The following RIMS2 variants were observed in gnomAD, a reference collection of about 807,000 sequenced individuals.
RIMS2 encodes the protein regulating synaptic membrane exocytosis 2, also known as regulating synaptic membrane exocytosis protein 2.
RIMS2 carries 59 observed loss-of-function variants against 174.4 expected under a neutral mutation model. That is an observed-to-expected ratio of 0.34 (90% CI 0.27 to 0.42). The LOEUF (loss-of-function observed/expected upper bound fraction) is 0.42. Ranked by LOEUF, RIMS2 falls within the 10% of genes least tolerant of loss-of-function variation. The probability of loss-of-function intolerance (pLI) is 1.00; values close to 1 mark genes in which losing one functional copy is unlikely to be tolerated. For synonymous variants in RIMS2, 606 were observed against 572.5 expected (o/e 1.06, Z -0.84); for missense variants, 1,620 against 1,666.3 (o/e 0.97, Z 0.48).
At chr8:104,216,880 T>A (rs188968277) in intron 19 of RIMS2, among the ~76,000 whole-genome samples, 9 of 152,364 alleles carry the variant, frequency 5.9e-5, no homozygotes, top group Non-Finnish European at 1.5e-5. Flanking sequence ...TGAAGGAATA[T>A]GCATCAATTT....
chr8:103,661,291 G>C (rs1389167656), intron 1 of RIMS2, among the ~76,000 whole-genome samples: 1 of 152,108 alleles, frequency 6.6e-6, no homozygotes, highest in Non-Finnish European at 1.5e-5. Context: ...ATGTGCGTTT[G>C]AGTTTGTTTC....
At chr8:104,128,060 A>G (rs924274119) in intron 19 of RIMS2, among the ~76,000 whole-genome samples, 1 of 152,220 alleles carries the variant, frequency 6.6e-6, no homozygotes, top group Non-Finnish European at 1.5e-5. Context: ...AAGTCACTCA[A>G]CTGAAACAGG....
chr8:104,041,421 A>G, intron 19 of RIMS2, 63 bp downstream of exon 22: 1 of 651,292 alleles, frequency 1.5e-6, no homozygotes, highest in Non-Finnish European at 2.8e-6. Context: ...GAAATGTTTA[A>G]TCATTTTTTT....
chr8:103,950,612 A>G (rs1236624401), intron 14 of RIMS2, among the ~76,000 whole-genome samples: 2 of 152,134 alleles, frequency 1.3e-5, no homozygotes, highest in African/African-American at 4.8e-5. Context: ...ACCCTAAGCA[A>G]AGTAGGATAG....
intron 2 of RIMS2, among the ~76,000 whole-genome samples, chr8:103,698,231 AT>A (rs1048531560): frequency 6.6e-6 from 1 of 152,054 alleles, no homozygotes; most frequent in Admixed American, 6.6e-5. Flanking sequence ...CCTGATTATG[AT>A]TTTTTTTCTT....
chr8:103,950,133 A>C (rs62527126), intron 14 of RIMS2, among the ~76,000 whole-genome samples: 3,986 of 152,236 alleles, frequency 0.026, 103 homozygotes, highest in Middle Eastern at 0.045. Flanking sequence ...TGTAGCTAAA[A>C]ATTTTCCCTC....
intron 10 of RIMS2, among the ~76,000 whole-genome samples, chr8:103,925,405 C>G (rs952656308): frequency 6.6e-6 from 1 of 151,416 alleles, no homozygotes; most frequent in Non-Finnish European, 1.5e-5. Context: ...AACTCCATAG[C>G]CTTTTAAAAA....
chr8:104,130,913 T>C lies in RIMS2; in HGVS notation c.3335-114003T>C, dbSNP rs140615973. On this transcript the variant is annotated intron_variant, in intron 19 of 23. Coordinates refer to ENST00000504942, the Ensembl canonical transcript of RIMS2. Reference sequence around the variant, plus strand: ...AGGCAGGTATTTCAGTAACTACATATAGTGATGTATTTCTAGAGCATTTAG... The same window carrying C: ...AGGCAGGTATTTCAGTAACTACATACAGTGATGTATTTCTAGAGCATTTAG... Among the ~76,000 whole-genome samples, 61 of 152,200 alleles carry C rather than the reference T, an allele frequency of 4.0e-4. 1 individual carries two copies. The highest frequency in any genetic ancestry group is 1.4e-3 in the African/African-American group (57 of 41,542).
intron 2 of RIMS2, among the ~76,000 whole-genome samples, chr8:103,759,762 T>A (rs1281879485): frequency 6.6e-6 from 1 of 151,968 alleles, no homozygotes; most frequent in Non-Finnish European, 1.5e-5. Flanking sequence ...CATAGTGGAA[T>A]AGAGGGTCAT....
chr8:103,510,856 C>G lies in RIMS2; in HGVS notation c.176+9794C>G, dbSNP rs1826118124. Among the ~76,000 whole-genome samples the G allele has an allele frequency of 2.6e-5, 4 of 152,180 alleles. No homozygotes were observed. In the South Asian group the frequency reaches 8.3e-4, roughly 32 times the overall value. On this transcript the variant is annotated intron_variant, in intron 1 of 23. Transcript: ENST00000504942. ...AAGGAAACATATTTATGTGTTCCTG[C>G]AATTAGGACAGAACATCTTTGGGGG...
chr8:103,551,975 T>G (rs1002941376), intron 1 of RIMS2, among the ~76,000 whole-genome samples: 2 of 152,258 alleles, frequency 1.3e-5, no homozygotes, highest in Admixed American at 6.5e-5. Flanking sequence ...TGGAAGAACA[T>G]TCCATGCTCA....
chr8:103,682,738 G>A (rs1055568475), intron 1 of RIMS2, among the ~76,000 whole-genome samples: 1 of 152,022 alleles, frequency 6.6e-6, no homozygotes, highest in African/African-American at 2.4e-5. Context: ...ATCTTTCTTA[G>A]TACCTCAAAC....
intron 19 of RIMS2, among the ~76,000 whole-genome samples, chr8:104,105,126 G>A (rs2098018080): frequency 6.6e-6 from 1 of 152,188 alleles, no homozygotes; most frequent in African/African-American, 2.4e-5. Context: ...AAAAGTCTAA[G>A]CCAGCTCTCA....
intron 1 of RIMS2, among the ~76,000 whole-genome samples, chr8:103,687,778 TG>T (rs1247103603): frequency 6.6e-6 from 1 of 152,164 alleles, no homozygotes; most frequent in Non-Finnish European, 1.5e-5. Context: ...TTTCTGTGCC[TG>T]GCTTACTTCA....
Position 104,111,180 on chromosome 8 carries a change from T to C in RIMS2, c.3334+96565T>C, listed in dbSNP as rs1225367039. 1.2e-4 allele frequency among the ~76,000 whole-genome samples: 18 copies of C among 152,146 alleles called. 1 individual carries two copies. The highest frequency in any genetic ancestry group is 1.2e-3 in the Admixed American group (18 of 15,260). On this transcript the variant is annotated intron_variant, in intron 19 of 23. Coordinates refer to ENST00000504942, the Ensembl canonical transcript of RIMS2. ...AATCCAGTAAAGAGGAAAAATGTTA[T>C]CCAAGGAATACAAGATGAGATTTAT... is the stretch of plus-strand genomic sequence containing the variant.
At chr8:103,827,840 A>C (rs897395735) in intron 3 of RIMS2, among the ~76,000 whole-genome samples, 2 of 152,148 alleles carry the variant, frequency 1.3e-5, no homozygotes, top group African/African-American at 4.8e-5. Context: ...CTTTATCTCA[A>C]AAAATAAAAA....
Position 103,742,688 on chromosome 8 carries a change from G to A in RIMS2, c.388-23539G>A, listed in dbSNP as rs747133714. Among the ~76,000 whole-genome samples, 6 of 152,208 alleles carry A rather than the reference G, an allele frequency of 3.9e-5. No individual in the cohort carries two copies. In the East Asian group the frequency reaches 9.7e-4, roughly 25 times the overall value. On this transcript the variant is annotated intron_variant, in intron 2 of 23. Coordinates refer to ENST00000504942, the Ensembl canonical transcript of RIMS2. ...CTAATACCCTCTGTTTTCTTATAATGTGAATAGTTTTCTTTAGGGTTTGAA... is the reference window on the plus strand; with the variant it reads ...CTAATACCCTCTGTTTTCTTATAATATGAATAGTTTTCTTTAGGGTTTGAA...
intron 1 of RIMS2, among the ~76,000 whole-genome samples, chr8:103,602,953 C>A (rs1247241743): frequency 2.0e-5 from 3 of 152,110 alleles, no homozygotes; most frequent in Non-Finnish European, 4.4e-5. Flanking sequence ...CTTTTCTTAG[C>A]AGCCTTGCTA....
intron 19 of RIMS2, 31 bp downstream of exon 24, chr8:104,093,674 A>T (rs775248021): frequency 6.5e-7 from 1 of 1,540,332 alleles, no homozygotes. Flanking sequence ...AACTTCTCTA[A>T]ATATGTTTTA....
Sources: allele counts gnomAD v4.1 joint callset (sites outside exome capture counted in the v4.1 genomes callset), GRCh38; gene constraint gnomAD v4.1.1; transcripts MANE v1.5; gene names NCBI Gene and HGNC (gene_info 2026-07-23, HGNC 2026-07-21).